TTC28: variants seen among roughly 807,000 people sequenced by gnomAD.
TTC28 encodes tetratricopeptide repeat protein 28.
Under a neutral mutation model 198.0 loss-of-function variants are expected in TTC28, and 61 were observed. The ratio of observed to expected loss-of-function variants is 0.31; its 90% confidence interval spans 0.25 to 0.38. TTC28 has a LOEUF of 0.38. Among genes scored for constraint, TTC28 ranks in the 10% least tolerant of loss-of-function variants. The pLI is 1.00. For synonymous variants in TTC28, 1,171 were observed against 1,297.8 expected, an observed-to-expected ratio of 0.90 and a Z score of 2.10; for missense variants, 2,678 against 3,164.0, an observed-to-expected ratio of 0.85 and a Z score of 3.69.
At chr22:28,617,148 G>C (rs1300523017) in intron 2 of TTC28, among the ~76,000 whole-genome samples, 1 of 151,736 alleles carries the variant, frequency 6.6e-6, no homozygotes, top group Non-Finnish European at 1.5e-5. Context: ...GGGGATTCAA[G>C]AAAATTCCAA....
chr22:28,440,561 C>A (rs947883503), intron 2 of TTC28, among the ~76,000 whole-genome samples: 8 of 152,094 alleles, frequency 5.3e-5, no homozygotes, highest in African/African-American at 1.9e-4. Flanking sequence ...GACAGGACAC[C>A]ATGATAGCAA....
intron 8 of TTC28, among the ~76,000 whole-genome samples, chr22:28,103,758 G>A (rs1448358138): frequency 6.6e-6 from 1 of 152,134 alleles, no homozygotes; most frequent in African/African-American, 2.4e-5. Flanking sequence ...CACAAATATA[G>A]AATTGTGTTG....
intron 1 of TTC28, among the ~76,000 whole-genome samples, chr22:28,649,811 T>C (rs1161082388): frequency 6.6e-6 from 1 of 152,212 alleles, no homozygotes; most frequent in Non-Finnish European, 1.5e-5. Context: ...TACAAATACA[T>C]GCAATTTGAA....
At chr22:28,224,204 T>C (rs1027950158) in intron 5 of TTC28, among the ~76,000 whole-genome samples, 3 of 152,162 alleles carry the variant, frequency 2.0e-5, no homozygotes, top group African/African-American at 7.2e-5. Context: ...GAAACCCTTC[T>C]CTATAGCAGT....
chr22:28,421,723 G>A (rs911848080), intron 2 of TTC28, among the ~76,000 whole-genome samples: 3 of 152,076 alleles, frequency 2.0e-5, no homozygotes, highest in African/African-American at 4.8e-5. Context: ...CAAGGCAGGC[G>A]GATCACGAGG....
At chr22:28,219,527 A>C (rs993718625) in intron 5 of TTC28, among the ~76,000 whole-genome samples, 5 of 151,980 alleles carry the variant, frequency 3.3e-5, no homozygotes, top group East Asian at 1.9e-4. Flanking sequence ...GAAAAAAAAA[A>C]CAGCCATTTC....
intron 2 of TTC28, among the ~76,000 whole-genome samples, chr22:28,420,399 C>T (rs1482611155): frequency 1.3e-5 from 2 of 151,928 alleles, no homozygotes; most frequent in Non-Finnish European, 2.9e-5. Flanking sequence ...AACTTAAGTA[C>T]TTTTCTAGTA....
At chr22:28,273,854 G>A (rs546195550) in intron 5 of TTC28, among the ~76,000 whole-genome samples, 47 of 152,154 alleles carry the variant, frequency 3.1e-4, no homozygotes, top group African/African-American at 1.1e-3. Flanking sequence ...GAGGGAAAAA[G>A]ATACTATCTT....
intron 2 of TTC28, among the ~76,000 whole-genome samples, chr22:28,542,415 A>C (rs1174234899): frequency 1.3e-5 from 2 of 152,168 alleles, no homozygotes; most frequent in African/African-American, 4.8e-5. Context: ...GAAAAATTCT[A>C]AATTTGATAA....
At chr22:28,266,560 T>A (rs1931697112) in intron 5 of TTC28, among the ~76,000 whole-genome samples, 1 of 152,178 alleles carries the variant, frequency 6.6e-6, no homozygotes, top group African/African-American at 2.4e-5. Flanking sequence ...CACTTGCTCC[T>A]TGTTTTCATC....
intron 2 of TTC28, among the ~76,000 whole-genome samples, chr22:28,591,040 C>CATATATATATATAT (rs377761638): frequency 9.8e-5 from 3 of 30,754 alleles, no homozygotes; most frequent in African/African-American, 1.6e-4. Flanking sequence ...CACACACACA[C>CATATATATATATAT]ATATATATAT....
At chr22:28,328,964 G>C (rs1371640361) in intron 2 of TTC28, among the ~76,000 whole-genome samples, 1 of 151,702 alleles carries the variant, frequency 6.6e-6, no homozygotes, top group African/African-American at 2.4e-5. Flanking sequence ...CATGAGATGA[G>C]TCATTTAGTT....
intron 6 of TTC28, among the ~76,000 whole-genome samples, chr22:28,126,182 T>C (rs548220642): frequency 1.3e-5 from 2 of 152,220 alleles, no homozygotes; most frequent in Non-Finnish European, 2.9e-5. Flanking sequence ...GGTTTCTCCA[T>C]TGACAAGAGT....
At chr22:28,579,381 T>C (rs2050199374) in intron 2 of TTC28, among the ~76,000 whole-genome samples, 2 of 149,282 alleles carry the variant, frequency 1.3e-5, no homozygotes, top group Admixed American at 6.7e-5. Flanking sequence ...ATATATAGTA[T>C]ACATAGCTAT....
At chr22:28,426,242 A>AAATTC (rs1386339371) in intron 2 of TTC28, among the ~76,000 whole-genome samples, 1 of 151,848 alleles carries the variant, frequency 6.6e-6, no homozygotes, top group Non-Finnish European at 1.5e-5. Context: ...GAAAGAAAGA[A>AAATTC]AATTCAAAAG....
intron 2 of TTC28, among the ~76,000 whole-genome samples, chr22:28,312,978 C>T (rs1001161270): frequency 1.3e-5 from 2 of 151,588 alleles, no homozygotes; most frequent in African/African-American, 4.8e-5. Context: ...GAAAAATAAA[C>T]AAGAAAAAAG....
intron 14 of TTC28, chr22:28,001,811 T>C (rs1601504222): frequency 6.0e-6 from 3 of 496,916 alleles, no homozygotes; most frequent in East Asian, 6.2e-5. Context: ...TAGAGGACAG[T>C]TTCTTGAAGT....
Position 27,998,836 on chromosome 22 carries a change from G to A in TTC28, c.4823C>T (p.Ala1608Val), listed in dbSNP as rs1159696862. Residue 1608 changes from alanine to valine, a missense_variant, in exon 16 of 23, where the codon GCC becomes GTC. By Grantham distance (64) the Ala-to-Val change is moderately conservative. Transcript: ENST00000397906. ...CAGCTGCAGGTCCAGGACGTCGGCGGCAGTAAGCAGCAGCTCCTGCAGGGG... is the reference window on the plus strand; with the variant it reads ...CAGCTGCAGGTCCAGGACGTCGGCGACAGTAAGCAGCAGCTCCTGCAGGGG... ...CPPLQELLLT[A>V]ADVLDLQLPV... is the part of the protein sequence containing the mutation. 1.3e-6 allele frequency: 2 copies of A among 1,550,128 alleles called. No homozygotes were observed. Among genetic ancestry groups the A allele is most frequent in the East Asian group, 2.4e-5 (1 of 40,924 alleles).
chr22:28,661,059 C>G (rs13056579), intron 1 of TTC28, among the ~76,000 whole-genome samples: 1 of 151,650 alleles, frequency 6.6e-6, no homozygotes, highest in East Asian at 2.0e-4. Context: ...CCGAGGTGAG[C>G]GGATCACCTG....
Sources: allele counts gnomAD v4.1 joint callset (sites outside exome capture counted in the v4.1 genomes callset), GRCh38; gene constraint gnomAD v4.1.1; transcripts MANE v1.5; gene names NCBI Gene and HGNC (gene_info 2026-07-23, HGNC 2026-07-21).